The following TIAM2 variants were observed in gnomAD, a reference collection of about 807,000 sequenced individuals.
The protein encoded by TIAM2 is rho guanine nucleotide exchange factor TIAM2.
In TIAM2, 80 loss-of-function variants were observed where a neutral mutation model predicts 152.9. The observed-to-expected ratio is 0.52, with a 90% confidence interval of 0.44 to 0.63. The LOEUF (loss-of-function observed/expected upper bound fraction) is 0.63, where lower values mean the gene tolerates loss of function less well. Ranked by LOEUF, TIAM2 falls within the 30% of genes least tolerant of loss-of-function variation. TIAM2 has a pLI of 0.00. For missense variants in TIAM2, 1,965 were observed against 2,120.1 expected (o/e 0.93, Z 1.44); for synonymous variants, 804 against 838.0 (o/e 0.96, Z 0.70).
intron 9 of TIAM2, among the ~76,000 whole-genome samples, chr6:155,169,515 C>T (rs1780526747): frequency 6.6e-6 from 1 of 152,162 alleles, no homozygotes; most frequent in Middle Eastern, 3.2e-3. Flanking sequence ...CATCTCTATT[C>T]CTCAGCAGTA....
intron 2 of TIAM2, among the ~76,000 whole-genome samples, chr6:155,123,259 C>A (rs971952000): frequency 6.6e-6 from 1 of 151,880 alleles, no homozygotes; most frequent in Non-Finnish European, 1.5e-5. Flanking sequence ...TGTGAAAATG[C>A]ACTTTGTTCT....
At chr6:155,151,102 G>A (rs933107553) in intron 7 of TIAM2, among the ~76,000 whole-genome samples, 5 of 152,210 alleles carry the variant, frequency 3.3e-5, no homozygotes, top group African/African-American at 9.6e-5. Context: ...TGGTATCAAG[G>A]CTGGAATGTT....
chr6:155,109,985 T>C (rs1305627389), intron 2 of TIAM2, among the ~76,000 whole-genome samples: 1 of 151,570 alleles, frequency 6.6e-6, no homozygotes, highest in Admixed American at 6.6e-5. Context: ...AGTCTCACTC[T>C]TTTACCCAGG....
Position 155,130,303 on chromosome 6 carries a change from T to A in TIAM2, c.1080T>A (p.Cys360Ter). The A allele has an allele frequency of 6.2e-7, 1 of 1,614,112 alleles. No individual in the cohort carries two copies. The highest frequency in any genetic ancestry group is 1.1e-5 in the South Asian group (1 of 91,084). ...PIQYSSFTLP[C>*]RKPKAFVEDT... ...AGTACAGTTCCTTCACTCTCCCCTG[T>A]CGGAAGCCCAAAGCCTTTGTTGAGG... The change falls in exon 4 of 27, where the codon TGT (cysteine) becomes TGA (stop). Residue 360 changes from cysteine (C) to a stop codon, truncating the protein, a stop_gained. Transcript: ENST00000682666. LOFTEE classifies it high-confidence loss of function.
chr6:155,070,918 T>C (rs1777823193), intron 1 of TIAM2, among the ~76,000 whole-genome samples: 1 of 152,164 alleles, frequency 6.6e-6, no homozygotes, highest in Non-Finnish European at 1.5e-5. Context: ...ACGCCTGTAA[T>C]CCCAGCTCTT....
At chr6:155,036,898 A>G (rs1476634635) in intron 1 of TIAM2, among the ~76,000 whole-genome samples, 1 of 152,156 alleles carries the variant, frequency 6.6e-6, no homozygotes, top group Non-Finnish European at 1.5e-5. Context: ...GATTACAGGC[A>G]TGAGCCACCG....
At chr6:155,253,245 C>A in intron 24 of TIAM2, 192 bp downstream of exon 24, 1 of 513,844 alleles carries the variant, frequency 1.9e-6, no homozygotes, top group Non-Finnish European at 3.4e-6. Context: ...TGGTGGATAG[C>A]TTTTTCTTTG....
intron 2 of TIAM2, among the ~76,000 whole-genome samples, chr6:155,104,513 T>G (rs1778633025): frequency 6.6e-6 from 1 of 152,112 alleles, no homozygotes; most frequent in Admixed American, 6.5e-5. Context: ...ATCCCAGCAC[T>G]TTGGGAGGCC....
At position 155,129,748 on chromosome 6, in the gene TIAM2, C is replaced by A. The variant is rs777874907; in HGVS notation, c.525C>A (p.Val175=). The A allele has an allele frequency of 5.0e-6, 8 of 1,613,740 alleles. No individual in the cohort carries two copies. The Admixed American group carries it at 1.3e-4, about 27-fold the overall frequency. The change falls in exon 4 of 27, where the codon GTC becomes GTA. Residue 175 remains valine (V), a synonymous_variant. Transcript: ENST00000682666. The surrounding 1 kb of genome is among the most constrained non-coding windows in gnomAD (Gnocchi z 4.8). ...GGAAGCTGGATGGGTGTTTAAGGGT[C>A]GAGTTCCACAATGGTGGCAACCCCA... ...TLGKLDGCLR[V]EFHNGGNPSK...
chr6:155,250,736 G>A, intron 21 of TIAM2, 177 bp from the exon 22 acceptor site: 1 of 1,145,738 alleles, frequency 8.7e-7, no homozygotes, highest in Non-Finnish European at 1.2e-6. Flanking sequence ...ACACTTGGGT[G>A]CTTAACTCAT....
intron 14 of TIAM2, among the ~76,000 whole-genome samples, chr6:155,192,343 G>A (rs973810731): frequency 1.3e-5 from 2 of 152,096 alleles, no homozygotes; most frequent in Non-Finnish European, 2.9e-5. Context: ...TGGTATTCGG[G>A]GTGCCATGGT....
At chr6:155,184,677 G>T (rs866387399) in intron 14 of TIAM2, among the ~76,000 whole-genome samples, 17 of 152,244 alleles carry the variant, frequency 1.1e-4, no homozygotes, top group Middle Eastern at 3.4e-3. Context: ...AAGAGAAGTT[G>T]TTAGGATTGA....
intron 4 of TIAM2, among the ~76,000 whole-genome samples, chr6:155,133,917 A>T (rs548843866): frequency 4.6e-5 from 7 of 152,124 alleles, no homozygotes; most frequent in South Asian, 4.2e-4. Context: ...GGGTTTCTCC[A>T]TGTTGGTCAG....
chr6:155,030,431 A>C (rs1237452726), intron 1 of TIAM2, among the ~76,000 whole-genome samples: 2 of 152,138 alleles, frequency 1.3e-5, no homozygotes, highest in Admixed American at 6.5e-5. Context: ...TCTCCCGAAG[A>C]GATTAAGGTC....
At chr6:155,237,166 C>A (rs1395758891) in intron 15 of TIAM2, among the ~76,000 whole-genome samples, 1 of 152,180 alleles carries the variant, frequency 6.6e-6, no homozygotes, top group East Asian at 1.9e-4. Flanking sequence ...GAGAAATTGG[C>A]CAAAATAAAG....
chr6:155,119,761 A>C (rs757846491), intron 2 of TIAM2, among the ~76,000 whole-genome samples: 7 of 152,188 alleles, frequency 4.6e-5, no homozygotes, highest in Non-Finnish European at 8.8e-5. Flanking sequence ...TTTTTAAAAC[A>C]TTTCTTTTTT....
At chr6:154,998,721 G>T (rs1258656890) in intron 1 of TIAM2, among the ~76,000 whole-genome samples, 1 of 152,098 alleles carries the variant, frequency 6.6e-6, no homozygotes, top group Non-Finnish European at 1.5e-5. Context: ...GGATAATATG[G>T]ATCAATTCTC....
At chr6:155,030,979 G>A (rs1776810920) in intron 1 of TIAM2, among the ~76,000 whole-genome samples, 2 of 152,204 alleles carry the variant, frequency 1.3e-5, no homozygotes, top group Admixed American at 6.5e-5. Flanking sequence ...TGCGTTCATA[G>A]TTTTGGTGAA....
intron 7 of TIAM2, among the ~76,000 whole-genome samples, chr6:155,152,436 T>C (rs1490997624): frequency 6.6e-6 from 1 of 152,162 alleles, no homozygotes; most frequent in African/African-American, 2.4e-5. Flanking sequence ...CCCGAGGCAG[T>C]GCAGCCGTAC....
Sources: allele counts gnomAD v4.1 joint callset (sites outside exome capture counted in the v4.1 genomes callset), GRCh38; gene constraint gnomAD v4.1.1; non-coding constraint Gnocchi (gnomAD v3.1); transcripts MANE v1.5; gene names NCBI Gene and HGNC (gene_info 2026-07-23, HGNC 2026-07-21).